The following SAMTOR variants were observed in gnomAD, a reference collection of about 807,000 sequenced individuals.
SAMTOR encodes the protein S-adenosylmethionine sensor upstream of mTORC1.
the SAMTOR span, among the ~76,000 whole-genome samples, chr7:112,873,493 G>A: frequency 1.3e-5 from 2 of 152,208 alleles, no homozygotes; most frequent in East Asian, 3.9e-4. Flanking sequence ...AAATGGTGCT[G>A]GGGAATCTGG....
the SAMTOR span, among the ~76,000 whole-genome samples, chr7:112,905,693 T>C: frequency 6.6e-6 from 1 of 152,176 alleles, no homozygotes; most frequent in Non-Finnish European, 1.5e-5. Flanking sequence ...TCTCCATAGA[T>C]GTTGAAAGGT....
the SAMTOR span, among the ~76,000 whole-genome samples, chr7:112,874,313 C>G: frequency 6.6e-6 from 1 of 151,962 alleles, no homozygotes; most frequent in African/African-American, 2.4e-5. Flanking sequence ...CAATAGTGGA[C>G]TAAAGAAAAT....
chr7:112,866,079 T>G, the SAMTOR span, among the ~76,000 whole-genome samples: 1 of 151,942 alleles, frequency 6.6e-6, no homozygotes, highest in Non-Finnish European at 1.5e-5. Context: ...ATTCCACAGG[T>G]TTCAATAATA....
At chr7:112,914,997 T>A in the SAMTOR span, among the ~76,000 whole-genome samples, 1 of 152,042 alleles carries the variant, frequency 6.6e-6, no homozygotes, top group South Asian at 2.1e-4. Context: ...TCCAAGCACT[T>A]TGGGAGGCTG....
chr7:112,841,123 G>A, the SAMTOR span, among the ~76,000 whole-genome samples: 1 of 152,004 alleles, frequency 6.6e-6, no homozygotes, highest in African/African-American at 2.4e-5. Context: ...TATTCAAATA[G>A]GAAAAGAGGA....
At chr7:112,916,880 G>A in the SAMTOR span, among the ~76,000 whole-genome samples, 4 of 152,234 alleles carry the variant, frequency 2.6e-5, no homozygotes, top group Non-Finnish European at 2.9e-5. Context: ...AGGCGGCAGC[G>A]AGACTGGGGG....
At chr7:112,824,529 A>C in the SAMTOR span, among the ~76,000 whole-genome samples, 1 of 151,814 alleles carries the variant, frequency 6.6e-6, no homozygotes, top group African/African-American at 2.4e-5. Flanking sequence ...TGCCTGGCTA[A>C]TTTTTGTATT....
chr7:112,881,144 C>A, the SAMTOR span, among the ~76,000 whole-genome samples: 2 of 152,234 alleles, frequency 1.3e-5, no homozygotes, highest in South Asian at 2.1e-4. Flanking sequence ...CGAGTCCAGG[C>A]ATTGTTGTAA....
chr7:112,919,906 T>C, the SAMTOR span, among the ~76,000 whole-genome samples: 3 of 152,192 alleles, frequency 2.0e-5, no homozygotes, highest in East Asian at 1.9e-4. Context: ...CAGGAAGAAG[T>C]TGAAACTCCA....
At chr7:112,886,748 C>G in the SAMTOR span, among the ~76,000 whole-genome samples, 1 of 152,214 alleles carries the variant, frequency 6.6e-6, no homozygotes, top group Non-Finnish European at 1.5e-5. Context: ...TAAGAAATCA[C>G]TTGATAAACT....
chr7:112,938,831 G>T, the SAMTOR span, among the ~76,000 whole-genome samples: 1 of 152,178 alleles, frequency 6.6e-6, no homozygotes. Context: ...TTCCACAGAG[G>T]GGGTTCTCAC....
the SAMTOR span, among the ~76,000 whole-genome samples, chr7:112,853,609 A>C: frequency 6.6e-6 from 1 of 152,128 alleles, no homozygotes; most frequent in Non-Finnish European, 1.5e-5. Flanking sequence ...AAACCTGGCA[A>C]TATTTACCCA....
the SAMTOR span, among the ~76,000 whole-genome samples, chr7:112,845,993 C>T: frequency 6.6e-6 from 1 of 152,026 alleles, no homozygotes; most frequent in African/African-American, 2.4e-5. Flanking sequence ...CATGTTTTCA[C>T]TTATAAGTGA....
chr7:112,852,637 C>G, the SAMTOR span, among the ~76,000 whole-genome samples: 1 of 151,648 alleles, frequency 6.6e-6, no homozygotes, highest in Non-Finnish European at 1.5e-5. Context: ...TTTGGTCAGC[C>G]CTTGACAGAA....
the SAMTOR span, among the ~76,000 whole-genome samples, chr7:112,827,194 AC>A: frequency 6.6e-6 from 1 of 152,160 alleles, no homozygotes; most frequent in Non-Finnish European, 1.5e-5. Context: ...CTTATGGGCA[AC>A]ATATATTTGG....
chr7:112,857,038 G>GAAA, the SAMTOR span, among the ~76,000 whole-genome samples: 1 of 128,600 alleles, frequency 7.8e-6, no homozygotes, highest in Middle Eastern at 4.3e-3. Context: ...TTATGCTAAA[G>GAAA]AAAAAAAATA....
chr7:112,907,831 A>ATTCT, the SAMTOR span, among the ~76,000 whole-genome samples: 2,777 of 127,418 alleles, frequency 0.022, 95 homozygotes, highest in African/African-American at 0.076. Flanking sequence ...AGAAATGGGT[A>ATTCT]TTCTTACTTA....
chr7:112,907,820 G>C, the SAMTOR span, among the ~76,000 whole-genome samples: 2 of 149,708 alleles, frequency 1.3e-5, no homozygotes, highest in African/African-American at 2.5e-5. Flanking sequence ...TGAAGTTATA[G>C]AGAAATGGGT....
At chr7:112,885,387 G>T in the SAMTOR span, among the ~76,000 whole-genome samples, 1 of 152,104 alleles carries the variant, frequency 6.6e-6, no homozygotes, top group Non-Finnish European at 1.5e-5. Flanking sequence ...ATATCATCAG[G>T]CTGCAAATTT....
Sources: gnomAD v4.1 joint callset for allele counts (sites outside exome capture counted in the v4.1 genomes callset) on GRCh38, gnomAD v4.1.1 for gene constraint, MANE v1.5 for transcripts, NCBI Gene and HGNC (gene_info 2026-07-23, HGNC 2026-07-21) for gene names.